CEP135: variants seen among roughly 807,000 people sequenced by gnomAD.
CEP135 encodes centrosomal protein 135.
A neutral mutation model predicts 157.3 loss-of-function variants in CEP135; 142 were observed. The ratio of observed to expected loss-of-function variants is 0.90; its 90% CI spans 0.79 to 1.04. CEP135 has a LOEUF of 1.04. CEP135 is among the 50% of genes least tolerant of loss of function. The probability of loss-of-function intolerance (pLI) is 0.00; values close to 1 mark genes in which losing one functional copy is unlikely to be tolerated. For missense variants in CEP135, 1,317 were observed against 1,309.2 expected (o/e 1.01, Z -0.09); for synonymous variants, 396 against 439.8 (o/e 0.90, Z 1.25).
intron 21 of CEP135, among the ~76,000 whole-genome samples, chr4:56,013,084 G>T (rs760750803): frequency 6.6e-6 from 1 of 152,076 alleles, no homozygotes; most frequent in African/African-American, 2.4e-5. Flanking sequence ...TATAAGAGCC[G>T]TCATAATGGG....
intron 11 of CEP135, among the ~76,000 whole-genome samples, chr4:55,975,913 A>G (rs1221511751): frequency 6.6e-6 from 1 of 152,150 alleles, no homozygotes; most frequent in Non-Finnish European, 1.5e-5. Context: ...CTAATGGCTG[A>G]ATTTTGATTT....
intron 17 of CEP135, among the ~76,000 whole-genome samples, chr4:56,001,261 T>C (rs1344465644): frequency 6.6e-6 from 1 of 152,202 alleles, no homozygotes; most frequent in Non-Finnish European, 1.5e-5. Flanking sequence ...TTTGGCTTAA[T>C]GTAATCCCAT....
rs544051392 is a variant in CEP135 at position 55,971,581 on chromosome 4, G to T, written c.1249+173G>T. ...ATACAGTAGAAATCTCTCCCTCAAG[G>T]ACCTTAGAATTTTTATGTTTTGGCT... On this transcript the variant is annotated intron_variant, in intron 10 of 25. Coordinates refer to ENST00000257287, the MANE Select transcript of CEP135 (RefSeq NM_025009.5). Among the ~76,000 whole-genome samples the T allele has an allele frequency of 2.0e-5, 3 of 152,186 alleles. No individual in the cohort carries two copies. In the South Asian group the frequency reaches 6.2e-4, roughly 32 times the overall value.
At chr4:56,008,008 A>G (rs1401898686) in intron 17 of CEP135, among the ~76,000 whole-genome samples, 3 of 152,218 alleles carry the variant, frequency 2.0e-5, no homozygotes, top group South Asian at 4.1e-4. Flanking sequence ...TCTAAGACCT[A>G]GGGCCATATT....
chr4:55,956,839 C>T (rs917259921), intron 4 of CEP135, among the ~76,000 whole-genome samples: 1 of 152,140 alleles, frequency 6.6e-6, no homozygotes, highest in African/African-American at 2.4e-5. Flanking sequence ...GTCTCGAACT[C>T]CCAACCTCAG....
chr4:55,980,304 T>C lies in CEP135; in HGVS notation c.1626+9T>C, dbSNP rs747024496. 6.8e-7 allele frequency: 1 copy of C among 1,466,748 alleles called. No individual in the cohort carries two copies. Among genetic ancestry groups the C allele is most frequent in the Non-Finnish European group, 9.4e-7 (1 of 1,060,668 alleles). The allele number at this position is 1,466,748 out of a possible 1,614,324, so 90.9% of individuals were successfully genotyped here. A position where few individuals can be genotyped will look rare whatever the true frequency, so the allele number is the denominator to read the frequency against. On this transcript the variant is annotated intron_variant, in intron 12 of 25. Transcript: ENST00000257287. ...GTGTCTTATATAATGAAGTAAGAAA[T>C]GTATTATAATTAAGCCAATAGATTG...
chr4:56,012,945 G>A (rs1349021560), intron 21 of CEP135, among the ~76,000 whole-genome samples: 1 of 152,164 alleles, frequency 6.6e-6, no homozygotes, highest in Non-Finnish European at 1.5e-5. Flanking sequence ...ATAATTCTGT[G>A]TTTAATTTTT....
Position 56,023,962 on chromosome 4 carries a change from C to A in CEP135, c.3321-539C>A, listed in dbSNP as rs375368186. On this transcript the variant is annotated intron_variant, in intron 24 of 25. Coordinates refer to ENST00000257287, the MANE Select transcript of CEP135 (RefSeq NM_025009.5). ...AAATGTACTATAAGATTGTTCAAAG[C>A]AATTATAAATATTATATAATATATT... is the stretch of plus-strand genomic sequence containing the variant. 5.7e-3 allele frequency among the ~76,000 whole-genome samples: 770 copies of A among 135,634 alleles called. 5 individuals carry two copies. The highest frequency in any genetic ancestry group is 0.011 in the South Asian group (48 of 4,322). 89.0% of individuals were successfully genotyped at this position (135,634 alleles called of 152,430 possible).
Position 55,953,346 on chromosome 4 carries a change from G to A in CEP135, c.304+71G>A, listed in dbSNP as rs886688909. 15 of 1,161,424 alleles carry A rather than the reference G, an allele frequency of 1.3e-5. No individual in the cohort carries two copies. In the South Asian group the frequency reaches 1.4e-4, roughly 11 times the overall value. 71.9% of individuals were successfully genotyped at this position (1,161,424 alleles called of 1,614,324 possible). Reference sequence around the variant, plus strand: ...TTTTATTTTAGAAGGAAAAGCTAACGTCTAATTTTAAAACTATTGATTAGA... The same window carrying A: ...TTTTATTTTAGAAGGAAAAGCTAACATCTAATTTTAAAACTATTGATTAGA... On this transcript the variant is annotated intron_variant, in intron 3 of 25. Coordinates refer to ENST00000257287, the MANE Select transcript of CEP135 (RefSeq NM_025009.5).
chr4:55,994,878 G>A lies in CEP135; in HGVS notation c.2009+2793G>A, dbSNP rs550947480. Among the ~76,000 whole-genome samples the A allele has an allele frequency of 4.1e-4, 63 of 152,014 alleles. No homozygotes were observed. In the Middle Eastern group the frequency reaches 0.017, roughly 41 times the overall value. On this transcript the variant is annotated intron_variant, in intron 15 of 25. Transcript: ENST00000257287. ...CTTTTGTATTTTTAGTAGAGAAGGG[G>A]TTTCACCATGTTGGCCAGGCTGGTC...
intron 17 of CEP135, among the ~76,000 whole-genome samples, chr4:56,004,469 T>A (rs1214073911): frequency 6.6e-6 from 1 of 152,252 alleles, no homozygotes; most frequent in Non-Finnish European, 1.5e-5. Flanking sequence ...GTTGATTTTA[T>A]GTCAACATGA....
chr4:56,013,121 T>C (rs1730649890), intron 21 of CEP135, among the ~76,000 whole-genome samples: 1 of 152,238 alleles, frequency 6.6e-6, no homozygotes, highest in Non-Finnish European at 1.5e-5. Flanking sequence ...GTGGTTCTGA[T>C]TTGCATTTCC....
chr4:56,003,291 C>T (rs560303434), intron 17 of CEP135, among the ~76,000 whole-genome samples: 4 of 152,096 alleles, frequency 2.6e-5, no homozygotes, highest in East Asian at 3.9e-4. Flanking sequence ...GGGTTCATGC[C>T]GCCTCCCGGG....
rs756060444 is a variant in CEP135, at chr4:56,019,374, G to T, written c.3034G>T (p.Val1012Leu). ...GTAGGTTGTGGTGGAATTAGAAAAT[G>T]TAAAGTCAGAGTCAGACCTACTGAA... The part of the protein sequence containing the change: ...FERVVVELEN[V>L]KSESDLLKKQ... The change falls in exon 23 of 26, where the codon GTA (valine) becomes TTA (leucine). Residue 1012 changes from valine to leucine, a missense_variant. By Grantham distance (32) the Val-to-Leu change is conservative. Transcript: ENST00000257287. 6.2e-7 allele frequency: 1 copy of T among 1,611,804 alleles called. No individual in the cohort carries two copies. The highest frequency in any genetic ancestry group is 1.7e-5 in the Admixed American group (1 of 59,636).
intron 14 of CEP135, among the ~76,000 whole-genome samples, 197 bp downstream of exon 14, chr4:55,985,555 A>G (rs570676394): frequency 8.2e-4 from 125 of 152,170 alleles, no homozygotes; most frequent in Non-Finnish European, 1.7e-3. Flanking sequence ...TCCAGCTTCA[A>G]GCGATTCTCC....
intron 22 of CEP135, among the ~76,000 whole-genome samples, chr4:56,018,994 A>G (rs763229036): frequency 1.3e-5 from 2 of 152,218 alleles, no homozygotes; most frequent in Admixed American, 6.5e-5. Context: ...AGGTACTGAG[A>G]AACTATAATA....
At chr4:55,993,764 G>A (rs1403788283) in intron 15 of CEP135, among the ~76,000 whole-genome samples, 1 of 152,166 alleles carries the variant, frequency 6.6e-6, no homozygotes, top group Admixed American at 6.5e-5. Flanking sequence ...AGAAGGCAGA[G>A]CTCTCAGTGC....
At chr4:55,986,716 C>CT (rs1003394009) in intron 14 of CEP135, among the ~76,000 whole-genome samples, 4 of 152,218 alleles carry the variant, frequency 2.6e-5, no homozygotes, top group Admixed American at 6.5e-5. Flanking sequence ...TATGGGTATA[C>CT]TGTGTGATGC....
At chr4:55,986,508 C>T (rs887269790) in intron 14 of CEP135, among the ~76,000 whole-genome samples, 3 of 152,002 alleles carry the variant, frequency 2.0e-5, no homozygotes, top group Admixed American at 6.5e-5. Flanking sequence ...CACCACTGCA[C>T]TCCAGTCTGG....
Sources: gnomAD v4.1 joint callset for allele counts (sites outside exome capture counted in the v4.1 genomes callset) on GRCh38, gnomAD v4.1.1 for gene constraint, MANE v1.5 for transcripts, NCBI Gene and HGNC (gene_info 2026-07-23, HGNC 2026-07-21) for gene names.